Variants in RASAL2 observed in about 807,000 individuals in gnomAD.
The protein encoded by RASAL2 is RAS protein activator like 2.
In RASAL2, 58 loss-of-function variants were observed where a neutral mutation model predicts 128.9. The ratio of observed to expected loss-of-function variants is 0.45; its 90% CI spans 0.36 to 0.56. The LOEUF is 0.56. Ranked by LOEUF, RASAL2 falls within the 20% of genes least tolerant of loss-of-function variation. The probability of loss-of-function intolerance (pLI) is 0.00; values close to 1 mark genes in which losing one functional copy is unlikely to be tolerated. For missense variants in RASAL2, 1,360 were observed against 1,601.6 expected, an observed-to-expected ratio of 0.85 and a Z score of 2.57; for synonymous variants, 561 against 580.8, an observed-to-expected ratio of 0.97 and a Z score of 0.49.
At chr1:178,252,126 C>G (rs904128824) in intron 1 of RASAL2, among the ~76,000 whole-genome samples, 2 of 151,792 alleles carry the variant, frequency 1.3e-5, no homozygotes, top group African/African-American at 2.4e-5. Context: ...CTAATTTCCT[C>G]GTAATCCACT....
chr1:178,146,701 G>A (rs865790376), intron 1 of RASAL2, among the ~76,000 whole-genome samples: 36 of 152,218 alleles, frequency 2.4e-4, no homozygotes, highest in African/African-American at 7.2e-4. Flanking sequence ...GAATTAACAT[G>A]TAGGTGGCCA....
chr1:178,373,306 G>A (rs571442466), intron 3 of RASAL2, among the ~76,000 whole-genome samples: 3 of 49,686 alleles, frequency 6.0e-5, no homozygotes, highest in Admixed American at 5.1e-4. Context: ...TAGATGTAAA[G>A]GGTCATCCTA....
intron 3 of RASAL2, among the ~76,000 whole-genome samples, chr1:178,370,359 C>G (rs1671630627): frequency 1.3e-5 from 2 of 152,116 alleles, no homozygotes; most frequent in Admixed American, 6.5e-5. Context: ...TCCAGGGATA[C>G]TGGTGTGTCA....
intron 9 of RASAL2, among the ~76,000 whole-genome samples, chr1:178,447,926 A>G (rs1280043113): frequency 6.6e-6 from 1 of 152,148 alleles, no homozygotes; most frequent in Non-Finnish European, 1.5e-5. Context: ...CCACAGAAGT[A>G]GTAGGTGTGA....
intron 1 of RASAL2, among the ~76,000 whole-genome samples, chr1:178,132,003 A>G (rs1043130457): frequency 1.3e-5 from 2 of 151,806 alleles, no homozygotes; most frequent in Admixed American, 1.3e-4. Context: ...CCTCATTGTC[A>G]GGCATCTTTT....
At chr1:178,438,899 G>C (rs1303379078) in intron 5 of RASAL2, among the ~76,000 whole-genome samples, 1 of 149,270 alleles carries the variant, frequency 6.7e-6, no homozygotes, top group African/African-American at 2.5e-5. Context: ...GTGTGTGTGT[G>C]TGTGTGTGTG....
chr1:178,184,544 G>A (rs1210238494), intron 1 of RASAL2, among the ~76,000 whole-genome samples: 1 of 151,870 alleles, frequency 6.6e-6, no homozygotes, highest in East Asian at 1.9e-4. Context: ...TTACATACAG[G>A]CATCCAATGT....
intron 3 of RASAL2, among the ~76,000 whole-genome samples, chr1:178,314,233 G>C (rs1040313106): frequency 2.0e-5 from 3 of 152,138 alleles, no homozygotes; most frequent in African/African-American, 7.2e-5. Flanking sequence ...TTTATACCTA[G>C]GTTAGGAATA....
chr1:178,326,792 C>A (rs1347539470), intron 3 of RASAL2, among the ~76,000 whole-genome samples: 1 of 152,208 alleles, frequency 6.6e-6, no homozygotes, highest in Non-Finnish European at 1.5e-5. Context: ...GATCTGCCCG[C>A]CTCGGCCTCC....
rs11800044 is a variant in RASAL2 at position 178,313,770 on chromosome 1, G to A, written c.457+13652G>A. Among the ~76,000 whole-genome samples the A allele has an allele frequency of 5.6e-3, 846 of 152,242 alleles. 12 individuals are homozygous for A. The highest frequency in any genetic ancestry group is 0.019 in the African/African-American group (791 of 41,522). ...ATATACTGTTTTTAAAATTAGCTAAGTCTTTTCTCATTCTATAGTCACTTG... is the reference window on the plus strand; with the variant it reads ...ATATACTGTTTTTAAAATTAGCTAAATCTTTTCTCATTCTATAGTCACTTG... On this transcript the variant is annotated intron_variant, in intron 3 of 17. Transcript: ENST00000367649.
chr1:178,272,668 C>CTT (rs1666314700), intron 1 of RASAL2, among the ~76,000 whole-genome samples: 2 of 152,266 alleles, frequency 1.3e-5, no homozygotes, highest in Non-Finnish European at 2.9e-5. Flanking sequence ...GTTGCTTAGC[C>CTT]TGTAATCCTA....
At chr1:178,193,308 T>G (rs1398922025) in intron 1 of RASAL2, among the ~76,000 whole-genome samples, 1 of 152,214 alleles carries the variant, frequency 6.6e-6, no homozygotes, top group Admixed American at 6.5e-5. Flanking sequence ...TTATTGAATG[T>G]TAAAGACCAC....
chr1:178,174,804 C>G (rs897386568), intron 1 of RASAL2, among the ~76,000 whole-genome samples: 1 of 152,122 alleles, frequency 6.6e-6, no homozygotes, highest in Non-Finnish European at 1.5e-5. Flanking sequence ...ATAGCTGGTT[C>G]CTTCATGTGC....
rs567445610 is a variant in RASAL2 at position 178,108,828 on chromosome 1, T to C, written c.202+14134T>C. ...GCTTTGGATGTCATAATTTACAGAA[T>C]ATTTTCATCGAGTTGTATAAGTTTT... is the stretch of plus-strand genomic sequence containing the variant. On this transcript the variant is annotated intron_variant, in intron 1 of 17. Transcript: ENST00000367649. Among the ~76,000 whole-genome samples, 288 of 152,356 alleles carry C rather than the reference T, an allele frequency of 1.9e-3. 2 individuals carry two copies. The highest frequency in any genetic ancestry group is 6.4e-3 in the African/African-American group (268 of 41,584).
intron 4 of RASAL2, chr1:178,411,954 A>C: frequency 1.7e-6 from 1 of 603,260 alleles, no homozygotes; most frequent in Non-Finnish European, 3.0e-6. Flanking sequence ...TGAGGACATC[A>C]CCCCCCATCC....
intron 1 of RASAL2, among the ~76,000 whole-genome samples, chr1:178,200,185 G>C (rs1021540863): frequency 2.0e-5 from 3 of 152,160 alleles, no homozygotes; most frequent in Non-Finnish European, 2.9e-5. Flanking sequence ...TACCAAGAGT[G>C]GTTCTAGAGG....
chr1:178,099,809 G>A (rs898919319), intron 1 of RASAL2, among the ~76,000 whole-genome samples: 1 of 151,830 alleles, frequency 6.6e-6, no homozygotes, highest in Admixed American at 6.6e-5. Context: ...AAAGTACAAA[G>A]AAATTAGCCG....
chr1:178,173,913 T>TG (rs373439890), intron 1 of RASAL2, among the ~76,000 whole-genome samples: 1 of 142,994 alleles, frequency 7.0e-6, no homozygotes, highest in Non-Finnish European at 1.5e-5. Flanking sequence ...TTTTTTTTTT[T>TG]TAAAAAAGTT....
At chr1:178,232,271 T>G (rs11590267) in intron 1 of RASAL2, among the ~76,000 whole-genome samples, 13 of 152,298 alleles carry the variant, frequency 8.5e-5, no homozygotes, top group African/African-American at 2.6e-4. Flanking sequence ...ATGATCTTGG[T>G]TCAGTATAAG....
Sources: gnomAD v4.1 joint callset for allele counts (sites outside exome capture counted in the v4.1 genomes callset) on GRCh38, gnomAD v4.1.1 for gene constraint, MANE v1.5 for transcripts, NCBI Gene and HGNC (gene_info 2026-07-23, HGNC 2026-07-21) for gene names.